CCDC138: variants seen among roughly 807,000 people sequenced by gnomAD.
The protein encoded by CCDC138 is coiled-coil domain-containing protein 138.
A neutral mutation model predicts 82.3 loss-of-function variants in CCDC138; 66 were observed. The observed-to-expected ratio is 0.80, with a 90% CI of 0.66 to 0.98. The LOEUF (loss-of-function observed/expected upper bound fraction) is 0.98. Among genes scored for constraint, CCDC138 ranks in the 50% least tolerant of loss-of-function variants. The pLI, the probability that CCDC138 is intolerant of heterozygous loss-of-function variation, is 0.00. For missense variants in CCDC138, 816 were observed against 758.9 expected (o/e 1.08, Z -0.88); for synonymous variants, 297 against 265.4 (o/e 1.12, Z -1.16).
At chr2:108,848,368 AT>A (rs1394009548) in intron 12 of CCDC138, among the ~76,000 whole-genome samples, 1 of 152,168 alleles carries the variant, frequency 6.6e-6, no homozygotes, top group Non-Finnish European at 1.5e-5. Context: ...TGAAGTATGA[AT>A]ATTGGGAAGG....
intron 10 of CCDC138, among the ~76,000 whole-genome samples, chr2:108,824,189 ATTAAGC>A (rs1686187285): frequency 6.6e-6 from 1 of 152,152 alleles, no homozygotes; most frequent in African/African-American, 2.4e-5. Flanking sequence ...TCATTAACAA[ATTAAGC>A]TTAGCTTACT....
In CCDC138 at chr2:108,851,592, C is replaced by T. The variant is rs185156023; in HGVS notation, c.1516+4662C>T. 2.4e-3 allele frequency among the ~76,000 whole-genome samples: 366 copies of T among 151,610 alleles called. 1 individual carries two copies. Among genetic ancestry groups the T allele is most frequent in the Middle Eastern group, 0.017 (5 of 294 alleles). On this transcript the variant is annotated intron_variant, in intron 12 of 14. Coordinates refer to ENST00000295124, the MANE Select transcript of CCDC138 (RefSeq NM_144978.3). The stretch of plus-strand genomic sequence containing the variant: ...TGCTGATATTACAGGCGTGAGCCAC[C>T]GCGCCCGGCCTTTCTCTTGGGTTTT...
chr2:108,848,135 A>G (rs1018310499), intron 12 of CCDC138, among the ~76,000 whole-genome samples: 8 of 152,260 alleles, frequency 5.3e-5, no homozygotes, highest in African/African-American at 1.9e-4. Flanking sequence ...CCAATTTAAT[A>G]TAAGAAAAAT....
intron 5 of CCDC138, among the ~76,000 whole-genome samples, chr2:108,797,340 T>C (rs944923744): frequency 6.6e-5 from 10 of 152,054 alleles, no homozygotes; most frequent in Admixed American, 1.3e-4. Flanking sequence ...CATTTTAAGT[T>C]GGAGGAAAGA....
chr2:108,815,648 A>G (rs548203620), intron 9 of CCDC138, among the ~76,000 whole-genome samples: 1 of 151,646 alleles, frequency 6.6e-6, no homozygotes, highest in African/African-American at 2.4e-5. Flanking sequence ...TTTTTAGTAA[A>G]GACAGGTTTT....
At chr2:108,811,220 C>T (rs2149804893) in intron 7 of CCDC138, among the ~76,000 whole-genome samples, 1 of 136,384 alleles carries the variant, frequency 7.3e-6, no homozygotes, top group South Asian at 2.5e-4. Context: ...ACTATTTCTT[C>T]TCTCCCTTTT....
intron 5 of CCDC138, among the ~76,000 whole-genome samples, chr2:108,795,354 C>A (rs1680701268): frequency 6.6e-6 from 1 of 151,964 alleles, no homozygotes; most frequent in Non-Finnish European, 1.5e-5. Flanking sequence ...TGGGGTTTCA[C>A]CATGTTGGCT....
chr2:108,847,015 T>C, intron 12 of CCDC138, 85 bp downstream of exon 12: 2 of 783,012 alleles, frequency 2.6e-6, no homozygotes, highest in Non-Finnish European at 4.2e-6. Flanking sequence ...TCAAATATGT[T>C]GTACATTTTC....
chr2:108,793,290 G>A (rs1025141167), intron 4 of CCDC138, among the ~76,000 whole-genome samples: 1 of 151,934 alleles, frequency 6.6e-6, no homozygotes, highest in African/African-American at 2.4e-5. Context: ...CCGAGGTCGC[G>A]CCACTGCACT....
At chr2:108,849,371 C>T (rs914086001) in intron 12 of CCDC138, among the ~76,000 whole-genome samples, 5 of 152,152 alleles carry the variant, frequency 3.3e-5, no homozygotes, top group African/African-American at 1.2e-4. Context: ...TCCAGCTGAG[C>T]TCATGGTCAC....
Position 108,876,154 on chromosome 2 carries a change from A to G in CCDC138, c.1899A>G (p.Thr633=). ...HLMLQEIQRT[T]NPEHAFLCIN... ...TGCTTCAAGAAATACAAAGGACAAC[A>G]AACCCAGAGCATGCATTTCTCTGTA... Residue 633 remains threonine, a synonymous_variant, in exon 15 of 15, where the codon ACA becomes ACG. Coordinates refer to ENST00000295124, the MANE Select transcript of CCDC138 (RefSeq NM_144978.3). 6.2e-7 allele frequency: 1 copy of G among 1,612,180 alleles called. No homozygotes were observed. The highest frequency in any genetic ancestry group is 8.5e-7 in the Non-Finnish European group (1 of 1,178,362).
chr2:108,815,862 A>T, intron 9 of CCDC138, 79 bp from the exon 10 acceptor site: 1 of 1,158,840 alleles, frequency 8.6e-7, no homozygotes. Context: ...TATTCTTATT[A>T]CTTAACAAAT....
chr2:108,831,376 A>G (rs1013106013), intron 10 of CCDC138, among the ~76,000 whole-genome samples: 16 of 152,208 alleles, frequency 1.1e-4, no homozygotes. Context: ...TAGTAGGACA[A>G]AATATGCCAA....
At chr2:108,838,563 T>A (rs1011746927) in intron 10 of CCDC138, among the ~76,000 whole-genome samples, 3 of 152,206 alleles carry the variant, frequency 2.0e-5, no homozygotes, top group Non-Finnish European at 2.9e-5. Flanking sequence ...CCTTAGAATA[T>A]GTCTTTATGG....
At chr2:108,878,065 A>G (rs1035199861), downstream of CCDC138, among the ~76,000 whole-genome samples, 7 of 152,224 alleles carry the variant, frequency 4.6e-5, no homozygotes, top group Non-Finnish European at 1.0e-4. Flanking sequence ...CTTACGTACT[A>G]TTCTGGAGAA....
chr2:108,811,825 T>G (rs1331456404), intron 7 of CCDC138, among the ~76,000 whole-genome samples: 1 of 152,152 alleles, frequency 6.6e-6, no homozygotes, highest in Non-Finnish European at 1.5e-5. Context: ...TCCATATGTG[T>G]GTACCCATTG....
chr2:108,846,899 A>G lies in CCDC138; in HGVS notation c.1485A>G (p.Ser495=), dbSNP rs781296559. Reference sequence around the variant, plus strand: ...CCAATTTGCCATTGAGATTTTTATCAACCTTAATTGTTCTCAAAACAGTCA... The same window carrying G: ...CCAATTTGCCATTGAGATTTTTATCGACCTTAATTGTTCTCAAAACAGTCA... ...KSSNLPLRFL[S]TLIVLKTVTQ... The change falls in exon 12 of 15, where the codon TCA becomes TCG. Residue 495 remains serine, a synonymous_variant. Transcript: ENST00000295124. 1.6e-5 allele frequency: 26 copies of G among 1,612,080 alleles called. No homozygotes were observed. Among genetic ancestry groups the G allele is most frequent in the East Asian group, 2.2e-5 (1 of 44,828 alleles).
chr2:108,808,958 T>C (rs1196464240), intron 7 of CCDC138, among the ~76,000 whole-genome samples: 4 of 152,248 alleles, frequency 2.6e-5, no homozygotes, highest in African/African-American at 9.6e-5. Flanking sequence ...GGGTCTTATA[T>C]TTCAAAGTCT....
intron 1 of CCDC138, 122 bp downstream of exon 1, chr2:108,787,037 C>T (rs993189974): frequency 7.8e-5 from 41 of 525,328 alleles, no homozygotes; most frequent in Non-Finnish European, 1.1e-4. Flanking sequence ...GCACTCCCGC[C>T]GTGGCTGCGG....
Sources: allele counts gnomAD v4.1 joint callset (sites outside exome capture counted in the v4.1 genomes callset), GRCh38; gene constraint gnomAD v4.1.1; transcripts MANE v1.5; gene names NCBI Gene and HGNC (gene_info 2026-07-23, HGNC 2026-07-21).